CEMIP: variants seen among roughly 807,000 people sequenced by gnomAD.
The protein encoded by CEMIP is cell migration-inducing and hyaluronan-binding protein.
Under a neutral mutation model 156.9 loss-of-function variants are expected in CEMIP, and 105 were observed. The observed-to-expected ratio is 0.67, with a 90% CI of 0.57 to 0.79. CEMIP has a LOEUF of 0.79. Among genes scored for constraint, CEMIP ranks in the 30% least tolerant of loss-of-function variants. The pLI is 0.00. For synonymous variants in CEMIP, 676 were observed against 668.4 expected (o/e 1.01, Z -0.17); for missense variants, 1,457 against 1,769.4 (o/e 0.82, Z 3.17).
At chr15:80,920,937 G>A (rs1900447780) in intron 15 of CEMIP, 95 bp from the exon 16 acceptor site, 4 of 919,762 alleles carry the variant, frequency 4.3e-6, no homozygotes, top group East Asian at 2.5e-5. Flanking sequence ...AGACTATCAG[G>A]CCAATATCAG....
intron 1 of CEMIP, among the ~76,000 whole-genome samples, chr15:80,866,098 T>A (rs1898118372): frequency 6.6e-6 from 1 of 152,104 alleles, no homozygotes; most frequent in Non-Finnish European, 1.5e-5. Flanking sequence ...TACAGCTGAT[T>A]GGTGGGGTGA....
At chr15:80,921,221 A>C in intron 16 of CEMIP, 120 bp downstream of exon 16, 10 of 900,584 alleles carry the variant, frequency 1.1e-5, no homozygotes, top group East Asian at 5.6e-5. Flanking sequence ...ATCCATGCAG[A>C]CGGGCTTAGC....
At chr15:80,783,603 G>C (rs1895852042) in intron 1 of CEMIP, among the ~76,000 whole-genome samples, 1 of 152,138 alleles carries the variant, frequency 6.6e-6, no homozygotes, top group Admixed American at 6.5e-5. Flanking sequence ...TATTCAGCTG[G>C]GCCTGAACCT....
At chr15:80,943,804 C>T (rs1485224790) in intron 28 of CEMIP, among the ~76,000 whole-genome samples, 2 of 152,196 alleles carry the variant, frequency 1.3e-5, no homozygotes, top group East Asian at 1.9e-4. Flanking sequence ...AGTCTCCTAA[C>T]GGGCCTCCCT....
At chr15:80,945,354 A>G (rs1231181928) in intron 28 of CEMIP, among the ~76,000 whole-genome samples, 1 of 152,252 alleles carries the variant, frequency 6.6e-6, no homozygotes, top group East Asian at 1.9e-4. Context: ...GATCCCCATC[A>G]GGAGGGCAAG....
chr15:80,900,729 C>A, intron 12 of CEMIP: 1 of 331,336 alleles, frequency 3.0e-6, no homozygotes, highest in Non-Finnish European at 5.9e-6. Context: ...TCACATTCCT[C>A]CTATTCATCC....
At chr15:80,920,852 A>G (rs1900444811) in intron 15 of CEMIP, among the ~76,000 whole-genome samples, 180 bp from the exon 16 acceptor site, 2 of 152,252 alleles carry the variant, frequency 1.3e-5, no homozygotes. Flanking sequence ...TTAAGTGCTT[A>G]AACTAGCACC....
At chr15:80,800,460 C>T (rs775530622) in intron 1 of CEMIP, among the ~76,000 whole-genome samples, 3 of 152,144 alleles carry the variant, frequency 2.0e-5, no homozygotes, top group South Asian at 2.1e-4. Context: ...GGCTTTTCCA[C>T]GTCTTCCCAC....
chr15:80,818,230 GCTGCACCTCCATAT>G (rs1440257128), intron 1 of CEMIP, among the ~76,000 whole-genome samples: 1 of 152,218 alleles, frequency 6.6e-6, no homozygotes, highest in Admixed American at 6.5e-5. Context: ...TGCTGGGGAA[GCTGCACCTCCATAT>G]ATGCTTCTAC....
chr15:80,865,413 C>T (rs1230449457), intron 1 of CEMIP, among the ~76,000 whole-genome samples: 1 of 152,150 alleles, frequency 6.6e-6, no homozygotes, highest in African/African-American at 2.4e-5. Flanking sequence ...ATCTCTTGAC[C>T]TCGTGACCCA....
In CEMIP at chr15:80,935,368, ACTTT is replaced by A. The variant is rs1478249326; in HGVS notation, c.3010-1299_3010-1296del. Among the ~76,000 whole-genome samples, 5 of 151,988 alleles carry A rather than the reference ACTTT, an allele frequency of 3.3e-5. No homozygotes were observed. In the South Asian group the frequency reaches 1.0e-3, roughly 31 times the overall value. Reference sequence around the variant, plus strand: ...ATGGAGCCTTGATTTTCCTTCCCACACTTTCTTTCTGATATGTTGCTTATCTTCT... The same window carrying A: ...ATGGAGCCTTGATTTTCCTTCCCACACTTTCTGATATGTTGCTTATCTTCT... On this transcript the variant is annotated intron_variant, in intron 23 of 29. Transcript: ENST00000394685.
chr15:80,835,919 G>T (rs1366067884), intron 1 of CEMIP, among the ~76,000 whole-genome samples: 2 of 151,724 alleles, frequency 1.3e-5, no homozygotes, highest in Non-Finnish European at 2.9e-5. Context: ...TGGTGAAAAT[G>T]GAAATATCTA....
At chr15:80,937,094 G>A (rs538421384) in intron 24 of CEMIP, among the ~76,000 whole-genome samples, 26 of 152,352 alleles carry the variant, frequency 1.7e-4, no homozygotes, top group African/African-American at 5.8e-4. Flanking sequence ...GCCAGCGCAC[G>A]TAACCTCTTG....
At chr15:80,877,438 C>A (rs1212537910) in intron 3 of CEMIP, among the ~76,000 whole-genome samples, 1 of 152,210 alleles carries the variant, frequency 6.6e-6, no homozygotes, top group Non-Finnish European at 1.5e-5. Flanking sequence ...ACGTCACCTT[C>A]CCACCTCCTC....
At position 80,920,186 on chromosome 15, in the gene CEMIP, C is replaced by T. The variant is rs375808630; in HGVS notation, c.1890C>T (p.Gly630=). The T allele has an allele frequency of 1.7e-5, 28 of 1,614,072 alleles. No individual in the cohort carries two copies. The highest frequency in any genetic ancestry group is 2.2e-5 in the Non-Finnish European group (26 of 1,180,040). ...GCAACACTTTTGACCACTGTCTTGG[C>T]CTCCTTGTCAAGTCTGGAACCCTCC... is the stretch of plus-strand genomic sequence containing the variant. ...EERNTFDHCL[G]LLVKSGTLLP... The change falls in exon 15 of 30, where the codon GGC becomes GGT. Residue 630 remains glycine (G), a synonymous_variant. Transcript: ENST00000394685.
intron 3 of CEMIP, among the ~76,000 whole-genome samples, chr15:80,876,496 T>C (rs1044832905): frequency 3.3e-5 from 5 of 152,256 alleles, no homozygotes; most frequent in African/African-American, 1.2e-4. Context: ...AGAGCTACTT[T>C]GGTGAAACTC....
rs564062331 is a variant in CEMIP, at chr15:80,905,776, G to A, written c.1412-887G>A. Reference sequence around the variant, plus strand: ...AGGAAGAAATGAAATCACTAGTGGAGGGAGTCCAGGGCCTTAAGGATATGG... The same window carrying A: ...AGGAAGAAATGAAATCACTAGTGGAAGGAGTCCAGGGCCTTAAGGATATGG... On this transcript the variant is annotated intron_variant, in intron 12 of 29. Coordinates refer to ENST00000394685, the MANE Select transcript of CEMIP (RefSeq NM_001293298.2). Among the ~76,000 whole-genome samples, 5 of 152,314 alleles carry A rather than the reference G, an allele frequency of 3.3e-5. No homozygotes were observed. The East Asian group carries it at 9.7e-4, about 29-fold the overall frequency.
chr15:80,918,945 C>G (rs1368283133), intron 14 of CEMIP, among the ~76,000 whole-genome samples: 1 of 152,126 alleles, frequency 6.6e-6, no homozygotes, highest in Non-Finnish European at 1.5e-5. Flanking sequence ...AGTTCAAGTC[C>G]TTCATTTTTG....
chr15:80,832,537 A>T (rs896460064), intron 1 of CEMIP, among the ~76,000 whole-genome samples: 2 of 152,108 alleles, frequency 1.3e-5, no homozygotes, highest in Non-Finnish European at 2.9e-5. Flanking sequence ...TTAGATCGGA[A>T]TGAGTTTTGG....
Sources: gnomAD v4.1 joint callset for allele counts (sites outside exome capture counted in the v4.1 genomes callset) on GRCh38, gnomAD v4.1.1 for gene constraint, MANE v1.5 for transcripts, NCBI Gene and HGNC (gene_info 2026-07-23, HGNC 2026-07-21) for gene names.